PCDHA3: variants seen among roughly 807,000 people sequenced by gnomAD.
PCDHA3 encodes the protein protocadherin alpha 3.
A neutral mutation model predicts 62.2 loss-of-function variants in PCDHA3; 41 were observed. The observed-to-expected ratio is 0.66, with a 90% confidence interval of 0.51 to 0.86. The LOEUF (loss-of-function observed/expected upper bound fraction) is 0.86, where lower values mean the gene tolerates loss of function less well. PCDHA3 is among the 40% of genes least tolerant of loss of function. The pLI, the probability that PCDHA3 is intolerant of heterozygous loss-of-function variation, is 0.00. For missense variants in PCDHA3, 1,304 were observed against 1,241.2 expected, an observed-to-expected ratio of 1.05 and a Z score of -0.76; for synonymous variants, 640 against 555.4, an observed-to-expected ratio of 1.15 and a Z score of -2.14.
intron 1 of PCDHA3, chr5:140,841,760 A>C: frequency 6.2e-7 from 1 of 1,613,864 alleles, no homozygotes; most frequent in Non-Finnish European, 8.5e-7. Flanking sequence ...AGAATCCAGA[A>C]TGCCAGACTC....
At chr5:140,905,251 A>G (rs1382207700) in intron 1 of PCDHA3, among the ~76,000 whole-genome samples, 4 of 152,174 alleles carry the variant, frequency 2.6e-5, no homozygotes, top group East Asian at 1.9e-4. Context: ...ATTCTTCCAC[A>G]TGAGGCTTGG....
chr5:140,897,199 A>G (rs760377746), intron 1 of PCDHA3, among the ~76,000 whole-genome samples: 1 of 152,030 alleles, frequency 6.6e-6, no homozygotes, highest in Admixed American at 6.6e-5. Flanking sequence ...TTTTTTTATT[A>G]TACTTTAAGT....
intron 1 of PCDHA3, among the ~76,000 whole-genome samples, chr5:140,906,547 C>T (rs2072745421): frequency 6.6e-6 from 1 of 152,218 alleles, no homozygotes; most frequent in Non-Finnish European, 1.5e-5. Flanking sequence ...CTCATTTCTG[C>T]AACTGGTTGT....
chr5:140,841,307 A>G lies in PCDHA3; in HGVS notation c.2394+37716A>G. ...TATTAAGATAATATTTTCTGATAGGAAACGACTATTTAACATGGATTATCA... is the reference window on the plus strand; with the variant it reads ...TATTAAGATAATATTTTCTGATAGGGAACGACTATTTAACATGGATTATCA... On this transcript the variant is annotated intron_variant, in intron 1 of 3. Coordinates refer to ENST00000522353, the MANE Select transcript of PCDHA3 (RefSeq NM_018906.3). 3 of 1,579,516 alleles carry G rather than the reference A, an allele frequency of 1.9e-6. No individual in the cohort carries two copies. In the African/African-American group the frequency reaches 4.1e-5, roughly 22 times the overall value.
At chr5:140,822,772 T>C in intron 1 of PCDHA3, 2 of 1,614,060 alleles carry the variant, frequency 1.2e-6, no homozygotes, top group Non-Finnish European at 1.7e-6. Flanking sequence ...ATCAGGACAC[T>C]GTAAAGTAGT....
At position 140,803,295 on chromosome 5, in the gene PCDHA3, T is replaced by G; in HGVS notation, c.2098T>G (p.Leu700Val). The change falls in exon 1 of 4, where the codon TTG becomes GTG. Residue 700 changes from leucine to valine, a missense_variant. Physicochemically the swap from Leu to Val is conservative, Grantham distance 32 (BLOSUM62 1). Transcript: ENST00000522353. The stretch of plus-strand genomic sequence containing the variant: ...TGCACTGGTGGATGTCAACGTGTAC[T>G]TGATCGTCGCCATCTGCGCGGTGTC... Reference protein sequence around the residue: ...EAALVDVNVYLIVAICAVSSL... With the variant: ...EAALVDVNVYVIVAICAVSSL... 1 of 1,614,088 alleles carries G rather than the reference T, an allele frequency of 6.2e-7. No homozygotes were observed.
rs534013349 is a variant in PCDHA3, at chr5:140,881,427, A to G, written c.2394+77836A>G. ...AATCAATAGGATATTAGTTCCAGGC[A>G]TATTTTATAAAAACAGAATCCAAAA... On this transcript the variant is annotated intron_variant, in intron 1 of 3. Transcript: ENST00000522353. 6.5e-5 allele frequency: 58 copies of G among 895,354 alleles called. No individual in the cohort carries two copies. In the African/African-American group the frequency reaches 9.9e-4, roughly 15 times the overall value. The allele number at this position is 895,354 out of a possible 1,614,324, so 55.5% of individuals were successfully genotyped here. A position where few individuals can be genotyped will look rare whatever the true frequency, so the allele number is the denominator to read the frequency against.
Position 140,857,251 on chromosome 5 carries a change from G to T in PCDHA3, c.2394+53660G>T, listed in dbSNP as rs1554149715. The T allele has an allele frequency of 1.9e-6, 3 of 1,598,606 alleles. No individual in the cohort carries two copies. In the Admixed American group the frequency reaches 5.1e-5, roughly 27 times the overall value. ...CGTTCAAGCTGGTGTCCACCTACAA[G>T]AATTACTACTCATTGGTGCTGGACA... is the stretch of plus-strand genomic sequence containing the variant. On this transcript the variant is annotated intron_variant, in intron 1 of 3. Coordinates refer to ENST00000522353, the MANE Select transcript of PCDHA3 (RefSeq NM_018906.3).
At chr5:140,872,497 C>T (rs1554166232) in intron 1 of PCDHA3, among the ~76,000 whole-genome samples, 1 of 152,150 alleles carries the variant, frequency 6.6e-6, no homozygotes, top group Non-Finnish European at 1.5e-5. Flanking sequence ...CCTAGTGGTG[C>T]ATGCCTGTAG....
rs138821024 is a variant in PCDHA3, at chr5:140,968,111, C to T, written c.2395-10838C>T. ...AGCCACAGATGGGGGAATACCGCAG[C>T]TCACATCCCTGCGTACACTGAAGGT... On this transcript the variant is annotated intron_variant, in intron 1 of 3. Transcript: ENST00000522353. 533 of 1,614,062 alleles carry T rather than the reference C, an allele frequency of 3.3e-4. 1 individual carries two copies. The highest frequency in any genetic ancestry group is 4.1e-4 in the Non-Finnish European group (489 of 1,180,052).
At chr5:140,993,521 G>C (rs1554253818) in intron 3 of PCDHA3, among the ~76,000 whole-genome samples, 4 of 151,128 alleles carry the variant, frequency 2.6e-5, no homozygotes, top group Admixed American at 2.0e-4. Flanking sequence ...GGGAGAGAGA[G>C]ACAGAGAGAG....
At chr5:140,860,323 G>A (rs782283348) in intron 1 of PCDHA3, 1 of 152,078 alleles carries the variant, frequency 6.6e-6, no homozygotes, top group African/African-American at 2.4e-5. Context: ...TGAGGCTGCA[G>A]TGACCCATGA....
Position 140,850,212 on chromosome 5 carries a change from A to C in PCDHA3, c.2394+46621A>C, listed in dbSNP as rs1411639882. 10 of 1,593,368 alleles carry C rather than the reference A, an allele frequency of 6.3e-6. No individual in the cohort carries two copies. Among genetic ancestry groups the C allele is most frequent in the Non-Finnish European group, 8.6e-6 (10 of 1,167,568 alleles). ...GCTGCTGACACCTCGGATGAGGGGC[A>C]CTGACGGCGCAGTGAGCGAGATGGT... On this transcript the variant is annotated intron_variant, in intron 1 of 3. Transcript: ENST00000522353.
rs116326633 is a variant in PCDHA3 at position 141,003,488 on chromosome 5, G to A, written c.2543-6139G>A. Reference sequence around the variant, plus strand: ...CACCACAGTCTCGCTAATTTTTATAGTTTTAGTAGAGATGGGGTTTCACCA... The same window carrying A: ...CACCACAGTCTCGCTAATTTTTATAATTTTAGTAGAGATGGGGTTTCACCA... On this transcript the variant is annotated intron_variant, in intron 3 of 3. Transcript: ENST00000522353. 8.1e-3 allele frequency among the ~76,000 whole-genome samples: 1,225 copies of A among 152,062 alleles called. 19 individuals are homozygous for A. The highest frequency in any genetic ancestry group is 0.028 in the African/African-American group (1,155 of 41,502).
chr5:140,844,884 G>A (rs1389205077), intron 1 of PCDHA3, among the ~76,000 whole-genome samples: 2 of 149,232 alleles, frequency 1.3e-5, no homozygotes, highest in South Asian at 2.1e-4. Context: ...ATTAGACTTC[G>A]TGCATATTGC....
intron 1 of PCDHA3, among the ~76,000 whole-genome samples, chr5:140,946,434 T>C (rs1554217579): frequency 2.0e-5 from 3 of 151,312 alleles, no homozygotes; most frequent in South Asian, 2.1e-4. Context: ...TACTCAAAAA[T>C]TGAGACTAAA....
At chr5:140,941,214 C>CCTTTCTTTCTTT (rs60032403) in intron 1 of PCDHA3, among the ~76,000 whole-genome samples, 2,129 of 122,416 alleles carry the variant, frequency 0.017, 41 homozygotes, top group Non-Finnish European at 0.024. Context: ...TTTCTTTCTT[C>CCTTTCTTTCTTT]CTTTCTTTCT....
intron 1 of PCDHA3, chr5:140,841,717 G>A: frequency 6.2e-7 from 1 of 1,613,924 alleles, no homozygotes; most frequent in Non-Finnish European, 8.5e-7. Flanking sequence ...ACCCGCCAGT[G>A]TTCCGGGTAA....
At chr5:140,836,109 G>T (rs2150253080) in intron 1 of PCDHA3, 6 of 1,613,610 alleles carry the variant, frequency 3.7e-6, no homozygotes, top group Non-Finnish European at 5.1e-6. Context: ...CACTGGTGGC[G>T]CAGTGAGAGA....
Sources: gnomAD v4.1 joint callset for allele counts (sites outside exome capture counted in the v4.1 genomes callset) on GRCh38, gnomAD v4.1.1 for gene constraint, MANE v1.5 for transcripts, NCBI Gene and HGNC (gene_info 2026-07-23, HGNC 2026-07-21) for gene names.